The following DCPH1 variants were observed in gnomAD, a reference collection of about 807,000 sequenced individuals.
The protein encoded by DCPH1 is damage-control phosphatase 1.
chr6:151,458,516 G>A, the DCPH1 span: 78 of 1,611,572 alleles, frequency 4.8e-5, no homozygotes, highest in Non-Finnish European at 6.5e-5. Context: ...TCTACTCACC[G>A]TGGTTGTTGG....
chr6:151,456,963 C>A, the DCPH1 span, among the ~76,000 whole-genome samples: 9 of 152,340 alleles, frequency 5.9e-5, no homozygotes, highest in African/African-American at 2.2e-4. Flanking sequence ...CAGCCCTCCC[C>A]CATTTCACAC....
At chr6:151,454,601 T>C in the DCPH1 span, 1 of 1,583,104 alleles carries the variant, frequency 6.3e-7, no homozygotes, top group African/African-American at 1.3e-5. Flanking sequence ...TTAACTAAGG[T>C]TATTGATACA....
chr6:151,452,544 T>C, the DCPH1 span: 2 of 1,611,700 alleles, frequency 1.2e-6, no homozygotes, highest in Non-Finnish European at 1.7e-6. Flanking sequence ...TCGCGGAAAG[T>C]GATGGCTGTC....
chr6:151,469,191 T>A, the DCPH1 span: 1 of 1,231,556 alleles, frequency 8.1e-7, no homozygotes, highest in African/African-American at 1.5e-5. Context: ...GTGAATTGAG[T>A]CGCCTGGCGG....
the DCPH1 span, among the ~76,000 whole-genome samples, chr6:151,460,811 A>G: frequency 6.6e-6 from 1 of 152,056 alleles, no homozygotes; most frequent in African/African-American, 2.4e-5. Flanking sequence ...ACAACAAAAA[A>G]AACTCCGGTG....
At chr6:151,464,073 T>C in the DCPH1 span, among the ~76,000 whole-genome samples, 1 of 152,238 alleles carries the variant, frequency 6.6e-6, no homozygotes, top group African/African-American at 2.4e-5. Flanking sequence ...ATTCTATACA[T>C]TTGTTACTGG....
At chr6:151,467,899 G>T in the DCPH1 span, among the ~76,000 whole-genome samples, 20 of 152,238 alleles carry the variant, frequency 1.3e-4, no homozygotes, top group Admixed American at 3.9e-4. Context: ...GAGGTGTCAC[G>T]TCCTAAGGTT....
At chr6:151,464,146 T>C in the DCPH1 span, among the ~76,000 whole-genome samples, 1 of 152,224 alleles carries the variant, frequency 6.6e-6, no homozygotes, top group African/African-American at 2.4e-5. Context: ...TTGAAATTTA[T>C]CTTTCTCCTT....
the DCPH1 span, chr6:151,468,881 G>A: frequency 1.2e-6 from 2 of 1,613,926 alleles, no homozygotes; most frequent in Non-Finnish European, 1.7e-6. Flanking sequence ...TTATTCAAGG[G>A]TGATTTGAAT....
chr6:151,456,185 A>G, the DCPH1 span, among the ~76,000 whole-genome samples: 2 of 152,116 alleles, frequency 1.3e-5, no homozygotes, highest in African/African-American at 4.8e-5. Context: ...TTTTCCCCAC[A>G]TGTTATGTTA....
chr6:151,454,497 C>G, the DCPH1 span: 17 of 850,550 alleles, frequency 2.0e-5, no homozygotes, highest in Non-Finnish European at 2.8e-5. Context: ...GATAGCCAGT[C>G]TTCTAGTATT....
At chr6:151,464,488 C>A in the DCPH1 span, 1 of 1,609,196 alleles carries the variant, frequency 6.2e-7, no homozygotes, top group South Asian at 1.1e-5. Flanking sequence ...TTTAAAGAAT[C>A]AAAAGAGCAA....
chr6:151,466,512 C>T, the DCPH1 span, among the ~76,000 whole-genome samples: 15 of 152,246 alleles, frequency 9.9e-5, no homozygotes, highest in Admixed American at 4.6e-4. Flanking sequence ...ATTTGGTGTC[C>T]GCAGTGAGCA....
chr6:151,468,541 G>A, the DCPH1 span: 677 of 1,613,906 alleles, frequency 4.2e-4, 13 homozygotes, highest in South Asian at 6.6e-3. Context: ...TATTGTTCTC[G>A]ATAATTCTGG....
the DCPH1 span, chr6:151,468,369 T>C: frequency 2.7e-5 from 42 of 1,560,940 alleles, no homozygotes; most frequent in Admixed American, 7.3e-4. Context: ...ATAAGTGTGA[T>C]CTGTCTCTCT....
chr6:151,456,022 A>G, the DCPH1 span, among the ~76,000 whole-genome samples: 1 of 152,244 alleles, frequency 6.6e-6, no homozygotes, highest in Non-Finnish European at 1.5e-5. Flanking sequence ...CCGAGTTGAC[A>G]CAGCACATGT....
At chr6:151,462,494 G>A in the DCPH1 span, among the ~76,000 whole-genome samples, 1 of 152,248 alleles carries the variant, frequency 6.6e-6, no homozygotes, top group Admixed American at 6.5e-5. Context: ...TCATCCATAT[G>A]TTACAATATA....
the DCPH1 span, among the ~76,000 whole-genome samples, chr6:151,465,516 T>C: frequency 3.9e-5 from 6 of 151,944 alleles, no homozygotes; most frequent in African/African-American, 4.8e-5. Flanking sequence ...TGAGAAAAAT[T>C]GCAAGGAAAC....
At chr6:151,468,501 AAGAGAAAAAGCT>A in the DCPH1 span, 1 of 1,613,392 alleles carries the variant, frequency 6.2e-7, no homozygotes. Flanking sequence ...GCAAGAAAAC[AAGAGAAAAAGCT>A]TCTGCTACTA....
Sources: gnomAD v4.1 joint callset for allele counts (sites outside exome capture counted in the v4.1 genomes callset) on GRCh38, gnomAD v4.1.1 for gene constraint, MANE v1.5 for transcripts, NCBI Gene and HGNC (gene_info 2026-07-23, HGNC 2026-07-21) for gene names.